The following ACOXL variants were observed in gnomAD, a reference collection of about 807,000 sequenced individuals.
ACOXL encodes the protein acyl-coenzyme A oxidase-like protein.
In ACOXL, 70 loss-of-function variants were observed where a neutral mutation model predicts 71.9. The ratio of observed to expected loss-of-function variants is 0.97; its 90% CI spans 0.80 to 1.19. The LOEUF is 1.19. ACOXL is among the 50% of genes most tolerant of loss of function. The probability of loss-of-function intolerance (pLI) is 0.00; values close to 1 mark genes in which losing one functional copy is unlikely to be tolerated. For missense variants in ACOXL, 703 were observed against 736.3 expected (o/e 0.95, Z 0.52); for synonymous variants, 253 against 281.6 (o/e 0.90, Z 1.02).
intron 10 of ACOXL, among the ~76,000 whole-genome samples, chr2:110,895,034 A>G (rs903646603): frequency 6.6e-6 from 1 of 152,222 alleles, no homozygotes; most frequent in African/African-American, 2.4e-5. Flanking sequence ...AGAATCAGGT[A>G]TATCTCAAAC....
chr2:111,113,977 C>A (rs978985630), intron 17 of ACOXL, among the ~76,000 whole-genome samples: 1 of 152,154 alleles, frequency 6.6e-6, no homozygotes, highest in Admixed American at 6.5e-5. Context: ...CATAGAGATT[C>A]TTTTTGGAAA....
intron 9 of ACOXL, among the ~76,000 whole-genome samples, chr2:110,830,938 T>C (rs534989948): frequency 1.3e-5 from 2 of 152,152 alleles, no homozygotes; most frequent in Non-Finnish European, 2.9e-5. Context: ...TCAGCACCAA[T>C]TCATAATTAA....
intron 10 of ACOXL, among the ~76,000 whole-genome samples, chr2:110,879,294 C>G (rs1409553312): frequency 2.6e-5 from 4 of 152,156 alleles, no homozygotes; most frequent in African/African-American, 9.7e-5. Flanking sequence ...ATTTCCCACA[C>G]CAGGACAGCA....
At chr2:110,937,522 A>T (rs2060709755) in intron 12 of ACOXL, among the ~76,000 whole-genome samples, 1 of 152,138 alleles carries the variant, frequency 6.6e-6, no homozygotes, top group Admixed American at 6.5e-5. Flanking sequence ...TCCACTCCCA[A>T]TCCACTTGAC....
intron 11 of ACOXL, among the ~76,000 whole-genome samples, chr2:110,929,224 A>G (rs529196233): frequency 1.3e-5 from 2 of 152,322 alleles, no homozygotes; most frequent in African/African-American, 4.8e-5. Context: ...TGATATGGAC[A>G]ATGAAATCCA....
At chr2:110,894,356 A>G (rs1412852165) in intron 10 of ACOXL, among the ~76,000 whole-genome samples, 1 of 150,446 alleles carries the variant, frequency 6.6e-6, no homozygotes, top group Non-Finnish European at 1.5e-5. Context: ...AGCCCAAATG[A>G]GCCTGCTTTC....
chr2:110,741,610 T>C (rs963384723), intron 1 of ACOXL, among the ~76,000 whole-genome samples: 1 of 152,216 alleles, frequency 6.6e-6, no homozygotes, highest in Non-Finnish European at 1.5e-5. Flanking sequence ...TCCCTACCTC[T>C]GACCTCAACT....
chr2:110,828,513 A>C (rs1314289652), intron 9 of ACOXL, among the ~76,000 whole-genome samples: 1 of 152,258 alleles, frequency 6.6e-6, no homozygotes, highest in Non-Finnish European at 1.5e-5. Context: ...TGGCATTGAC[A>C]ATCGCCAGGC....
chr2:111,030,012 A>G (rs2065192708), intron 14 of ACOXL, among the ~76,000 whole-genome samples: 1 of 151,988 alleles, frequency 6.6e-6, no homozygotes. Flanking sequence ...TCTTTTGATC[A>G]GGCCAGTGAA....
intron 12 of ACOXL, among the ~76,000 whole-genome samples, chr2:110,974,858 G>T (rs1424249078): frequency 6.6e-6 from 1 of 152,154 alleles, no homozygotes; most frequent in African/African-American, 2.4e-5. Flanking sequence ...GGGTTGTTTT[G>T]GGGCTGGACT....
chr2:110,830,863 T>C (rs1353070435), intron 9 of ACOXL, among the ~76,000 whole-genome samples: 3 of 152,072 alleles, frequency 2.0e-5, no homozygotes, highest in Non-Finnish European at 4.4e-5. Flanking sequence ...AAAAACTAGA[T>C]AGAGAAGAAG....
At position 110,794,128 on chromosome 2, in the gene ACOXL, A is replaced by T; in HGVS notation, c.299A>T (p.Asn100Ile). 1 of 1,614,094 alleles carries T rather than the reference A, an allele frequency of 6.2e-7. No individual in the cohort carries two copies. The highest frequency in any genetic ancestry group is 8.5e-7 in the Non-Finnish European group (1 of 1,179,978). The change falls in exon 5 of 18, where the codon AAC becomes ATC. Residue 100 changes from asparagine (N) to isoleucine (I), a missense_variant. Physicochemically the swap from Asn to Ile is moderately radical, Grantham distance 149. Coordinates refer to ENST00000439055, the MANE Select transcript of ACOXL (RefSeq NM_001142807.4). ...ATGACCGAGAGGGGCCATGGGAGCA[A>T]CGCGAGAGGGATCCAGACCGAAGCC... is the stretch of plus-strand genomic sequence containing the variant. ...FAMTERGHGSNARGIQTEATF... is the reference protein window; with the variant it reads ...FAMTERGHGSIARGIQTEATF...
chr2:110,812,383 G>A (rs1687435692), intron 9 of ACOXL, among the ~76,000 whole-genome samples: 1 of 152,130 alleles, frequency 6.6e-6, no homozygotes, highest in Non-Finnish European at 1.5e-5. Context: ...ATGTTATGGT[G>A]GTTTGTTGTA....
At chr2:110,778,357 C>T (rs566849384) in intron 2 of ACOXL, among the ~76,000 whole-genome samples, 1 of 152,186 alleles carries the variant, frequency 6.6e-6, no homozygotes, top group Non-Finnish European at 1.5e-5. Flanking sequence ...CAGGTAAAGA[C>T]ACATACACAA....
intron 10 of ACOXL, among the ~76,000 whole-genome samples, chr2:110,846,291 G>A (rs573357743): frequency 2.0e-5 from 3 of 152,222 alleles, no homozygotes; most frequent in South Asian, 2.1e-4. Context: ...ACAGGAAAAC[G>A]TGGTTCCAAA....
chr2:111,013,944 CAT>C (rs1406879004), intron 14 of ACOXL, among the ~76,000 whole-genome samples: 4 of 152,082 alleles, frequency 2.6e-5, no homozygotes, highest in African/African-American at 9.7e-5. Context: ...ATAGTCAAAA[CAT>C]GTCAATAAAA....
chr2:111,044,496 AT>A (rs1215474665), intron 15 of ACOXL, among the ~76,000 whole-genome samples: 2 of 152,210 alleles, frequency 1.3e-5, no homozygotes, highest in Non-Finnish European at 2.9e-5. Flanking sequence ...TGGCGCAAAG[AT>A]TGCGAGAGAA....
Position 110,804,591 on chromosome 2 carries a change from C to T in ACOXL, c.621-672C>T, listed in dbSNP as rs186793428. Among the ~76,000 whole-genome samples, 56 of 152,124 alleles carry T rather than the reference C, an allele frequency of 3.7e-4. No homozygotes were observed. In the South Asian group the frequency reaches 4.8e-3, roughly 13 times the overall value. On this transcript the variant is annotated intron_variant, in intron 8 of 17. Coordinates refer to ENST00000439055, the MANE Select transcript of ACOXL (RefSeq NM_001142807.4). The stretch of plus-strand genomic sequence containing the variant: ...AGGGGAAGATAATCCAAATATCCAT[C>T]GACTGAGGAAACAGGAAATAAAATG...
intron 10 of ACOXL, among the ~76,000 whole-genome samples, chr2:110,877,117 A>G (rs1696017892): frequency 6.6e-6 from 1 of 152,242 alleles, no homozygotes; most frequent in Admixed American, 6.5e-5. Context: ...CAGAATGCTC[A>G]GGAAAGTTTC....
Sources: allele counts gnomAD v4.1 joint callset (sites outside exome capture counted in the v4.1 genomes callset), GRCh38; gene constraint gnomAD v4.1.1; transcripts MANE v1.5; gene names NCBI Gene and HGNC (gene_info 2026-07-23, HGNC 2026-07-21).